Variants in GAS7 observed in about 807,000 individuals in gnomAD.
GAS7 encodes growth arrest specific 7.
Under a neutral mutation model 71.1 loss-of-function variants are expected in GAS7, and 28 were observed. That is an observed-to-expected ratio of 0.39 (90% CI 0.29 to 0.54). The LOEUF (loss-of-function observed/expected upper bound fraction) is 0.54. GAS7 is among the 20% of genes least tolerant of loss of function. The probability of loss-of-function intolerance (pLI) is 0.62; values close to 1 mark genes in which losing one functional copy is unlikely to be tolerated. For missense variants in GAS7, 436 were observed against 627.8 expected (o/e 0.69, Z 3.27); for synonymous variants, 258 against 245.8 (o/e 1.05, Z -0.46).
chr17:9,936,007 T>C (rs529741978), intron 8 of GAS7, among the ~76,000 whole-genome samples: 11 of 152,280 alleles, frequency 7.2e-5, no homozygotes, highest in South Asian at 2.1e-4. Flanking sequence ...CTAGGGCCGA[T>C]TGACTGCAGC....
chr17:10,110,044 G>T (rs561785776), intron 1 of GAS7, among the ~76,000 whole-genome samples: 1 of 136,358 alleles, frequency 7.3e-6, no homozygotes, highest in South Asian at 2.3e-4. Context: ...ACACAGCAAG[G>T]CTCCGTCTCA....
intron 2 of GAS7, among the ~76,000 whole-genome samples, chr17:9,988,791 A>G (rs2070734880): frequency 6.6e-6 from 1 of 151,012 alleles, no homozygotes; most frequent in Non-Finnish European, 1.5e-5. Flanking sequence ...AAGCCCCTCC[A>G]CATCTGGCAT....
chr17:10,061,335 C>A (rs1001183196), intron 1 of GAS7: 1 of 152,228 alleles, frequency 6.6e-6, no homozygotes, highest in Non-Finnish European at 1.5e-5. Flanking sequence ...GCAAAATAAA[C>A]AGAATTACAG....
intron 1 of GAS7, among the ~76,000 whole-genome samples, chr17:10,109,891 TAAA>T (rs2073793983): frequency 6.6e-6 from 1 of 151,796 alleles, no homozygotes; most frequent in South Asian, 2.1e-4. Context: ...CCCTCTGTAC[TAAA>T]AATACAAAAA....
intron 2 of GAS7, among the ~76,000 whole-genome samples, chr17:9,988,141 C>A (rs2070710212): frequency 6.6e-6 from 1 of 152,234 alleles, no homozygotes; most frequent in Non-Finnish European, 1.5e-5. Flanking sequence ...CTTGCTCTAT[C>A]TCCTCCTCCC....
chr17:10,067,020 A>C (rs1304023581), intron 1 of GAS7, among the ~76,000 whole-genome samples: 1 of 152,212 alleles, frequency 6.6e-6, no homozygotes. Flanking sequence ...CAAGTGAGTT[A>C]ATAATGTACA....
intron 1 of GAS7, among the ~76,000 whole-genome samples, chr17:10,126,365 T>TGCACACAC (rs1567602237): frequency 2.9e-5 from 4 of 138,660 alleles, no homozygotes; most frequent in African/African-American, 5.2e-5. Context: ...CACACACTCT[T>TGCACACAC]GCACACACAC....
chr17:10,162,853 G>C lies in GAS7; in HGVS notation c.183+35355C>G, dbSNP rs1432572648. 2.6e-5 allele frequency among the ~76,000 whole-genome samples: 4 copies of C among 152,164 alleles called. No homozygotes were observed. The East Asian group carries it at 7.7e-4, about 29-fold the overall frequency. ...CCAGGGGCTGGCGGGGAGAGGGAAT[G>C]GGGAGTGACTGTTTACTGGGTTCAG... On this transcript the variant is annotated intron_variant, in intron 1 of 13. Transcript: ENST00000432992.
intron 4 of GAS7, among the ~76,000 whole-genome samples, chr17:9,963,733 CTCTT>C (rs1047514656): frequency 6.6e-6 from 1 of 152,056 alleles, no homozygotes; most frequent in Admixed American, 6.5e-5. Flanking sequence ...CCCCATCTCT[CTCTT>C]TTTTCTTTCT....
intron 1 of GAS7, among the ~76,000 whole-genome samples, chr17:10,057,784 G>A (rs1234905857): frequency 2.6e-5 from 4 of 152,266 alleles, no homozygotes; most frequent in East Asian, 1.9e-4. Context: ...CCATGATGAC[G>A]ATGGGGGTTT....
intron 2 of GAS7, among the ~76,000 whole-genome samples, chr17:9,998,579 C>T (rs1238672632): frequency 1.9e-4 from 29 of 151,092 alleles, no homozygotes; most frequent in East Asian, 1.8e-3. Flanking sequence ...CCAGCCTGGG[C>T]AATATAGTGA....
intron 9 of GAS7, among the ~76,000 whole-genome samples, chr17:9,933,646 C>G (rs573796150): frequency 6.6e-6 from 1 of 152,008 alleles, no homozygotes; most frequent in Non-Finnish European, 1.5e-5. Flanking sequence ...AGGTTCAAGA[C>G]CAGCCTGGGG....
In GAS7 at chr17:10,102,704, T is replaced by C. The variant is rs955276285; in HGVS notation, c.184-82807A>G. 3.3e-5 allele frequency among the ~76,000 whole-genome samples: 5 copies of C among 151,998 alleles called. No homozygotes were observed. In the South Asian group the frequency reaches 1.0e-3, roughly 32 times the overall value. Reference sequence around the variant, plus strand: ...AGTAGGGTACCCAGGACACACTCTATACCAATTAATTCACAACCTCCATCA... The same window carrying C: ...AGTAGGGTACCCAGGACACACTCTACACCAATTAATTCACAACCTCCATCA... On this transcript the variant is annotated intron_variant, in intron 1 of 13. Transcript: ENST00000432992.
At chr17:10,087,881 G>A (rs998691920) in intron 1 of GAS7, among the ~76,000 whole-genome samples, 1 of 152,218 alleles carries the variant, frequency 6.6e-6, no homozygotes, top group Non-Finnish European at 1.5e-5. Flanking sequence ...GAGCAGAGGA[G>A]TCAGCAGGGG....
chr17:10,016,661 C>T (rs1263566956), intron 2 of GAS7, among the ~76,000 whole-genome samples: 1 of 146,684 alleles, frequency 6.8e-6, no homozygotes, highest in Non-Finnish European at 1.5e-5. Flanking sequence ...ATAGTGTAAT[C>T]CCAACACTGT....
In GAS7 at chr17:10,032,044, C is replaced by T. The variant is rs542459753; in HGVS notation, c.184-12147G>A. On this transcript the variant is annotated intron_variant, in intron 1 of 13. Coordinates refer to ENST00000432992, the MANE Select transcript of GAS7 (RefSeq NM_201433.2). The stretch of plus-strand genomic sequence containing the variant: ...CACCCCTGAAATACAGAGAACAGCT[C>T]CAGAAATAACAAGGGAAGCAGGGAC... Among the ~76,000 whole-genome samples the T allele has an allele frequency of 2.0e-5, 3 of 150,088 alleles. No individual in the cohort carries two copies. In the Admixed American group the frequency reaches 2.0e-4, roughly 10 times the overall value.
At chr17:9,968,821 C>G (rs961543262) in intron 4 of GAS7, among the ~76,000 whole-genome samples, 26 of 152,186 alleles carry the variant, frequency 1.7e-4, no homozygotes, top group Admixed American at 5.2e-4. Flanking sequence ...TCAACATCAT[C>G]AATATTATCA....
At chr17:10,040,927 C>T (rs538014558) in intron 1 of GAS7, among the ~76,000 whole-genome samples, 4 of 152,166 alleles carry the variant, frequency 2.6e-5, no homozygotes, top group South Asian at 2.1e-4. Flanking sequence ...TTTGGGAGGC[C>T]GAGGCAGGTG....
chr17:10,184,578 G>A (rs1236080489), intron 1 of GAS7, among the ~76,000 whole-genome samples: 1 of 152,204 alleles, frequency 6.6e-6, no homozygotes, highest in African/African-American at 2.4e-5. Context: ...CCGGCAGACT[G>A]GAAGCAGTGG....
Sources: gnomAD v4.1 joint callset for allele counts (sites outside exome capture counted in the v4.1 genomes callset) on GRCh38, gnomAD v4.1.1 for gene constraint, MANE v1.5 for transcripts, NCBI Gene and HGNC (gene_info 2026-07-23, HGNC 2026-07-21) for gene names.